Variants in SPATA6L observed in about 807,000 individuals in gnomAD.
SPATA6L encodes spermatogenesis associated 6-like protein.
SPATA6L carries 68 observed loss-of-function variants against 49.2 expected under a neutral mutation model. That is an observed-to-expected ratio of 1.38 (90% CI 1.14 to 1.69). The LOEUF (loss-of-function observed/expected upper bound fraction) is 1.69. SPATA6L is among the 40% of genes most tolerant of loss of function. The probability of loss-of-function intolerance (pLI) is 0.00; values close to 1 mark genes in which losing one functional copy is unlikely to be tolerated. For synonymous variants in SPATA6L, 198 were observed against 165.7 expected (o/e 1.19, Z -1.50); for missense variants, 668 against 464.3 (o/e 1.44, Z -4.03).
chr9:4,661,203 G>A (rs563599949), intron 2 of SPATA6L, among the ~76,000 whole-genome samples: 4 of 152,294 alleles, frequency 2.6e-5, no homozygotes, highest in East Asian at 1.9e-4. Flanking sequence ...CTCCCTCAAT[G>A]ACATTGTTTG....
chr9:4,593,392 C>A (rs536615903), downstream of SPATA6L, among the ~76,000 whole-genome samples: 21 of 152,148 alleles, frequency 1.4e-4, no homozygotes, highest in Admixed American at 7.9e-4. Flanking sequence ...TATACAATAT[C>A]ATTGTATCCC....
intron 2 of SPATA6L, among the ~76,000 whole-genome samples, chr9:4,659,177 T>G (rs762374634): frequency 6.6e-6 from 1 of 152,174 alleles, no homozygotes; most frequent in Non-Finnish European, 1.5e-5. Context: ...ATTCTTCATT[T>G]AAATTAATAG....
chr9:4,658,907 G>C (rs2130779902), intron 2 of SPATA6L, among the ~76,000 whole-genome samples: 1 of 142,006 alleles, frequency 7.0e-6, no homozygotes, highest in Non-Finnish European at 1.5e-5. Context: ...CCAAGGTCTT[G>C]CCACTGCACT....
chr9:4,650,176 A>G (rs924115389), intron 3 of SPATA6L, among the ~76,000 whole-genome samples: 2 of 152,102 alleles, frequency 1.3e-5, no homozygotes, highest in African/African-American at 4.8e-5. Flanking sequence ...AAACTCTTCA[A>G]TCTACCTGGT....
Position 4,662,899 on chromosome 9 carries a change from T to A in SPATA6L, c.40-863A>T. ...ATGAACCTGCTCTTCGCCCTGCTGT[T>A]GGACCTGCTGCTGGTGGCCTTGATC... On this transcript the variant is annotated intron_variant, in intron 1 of 11. Transcript: ENST00000682582. The surrounding 1 kb of genome is among the most constrained non-coding windows in gnomAD (Gnocchi z 4.9). 2 of 1,608,536 alleles carry A rather than the reference T, an allele frequency of 1.2e-6. No homozygotes were observed. The highest frequency in any genetic ancestry group is 1.7e-6 in the Non-Finnish European group (2 of 1,179,966).
intron 3 of SPATA6L, among the ~76,000 whole-genome samples, chr9:4,648,364 T>C (rs1430720289): frequency 1.3e-5 from 2 of 152,148 alleles, no homozygotes; most frequent in Non-Finnish European, 2.9e-5. Flanking sequence ...TTTTTAAAAT[T>C]TTTTTATTTC....
chr9:4,594,436 T>A (rs1426851004), downstream of SPATA6L, among the ~76,000 whole-genome samples: 1 of 152,160 alleles, frequency 6.6e-6, no homozygotes, highest in African/African-American at 2.4e-5. Context: ...ATGGTCTTGA[T>A]CTCCTGAACT....
rs1321452449 is a variant in SPATA6L at position 4,600,471 on chromosome 9, GAC to G, written c.*338_*339del. 3.4e-5 allele frequency: 4 copies of G among 118,452 alleles called. No homozygotes were observed. The highest frequency in any genetic ancestry group is 5.6e-4 in the South Asian group (2 of 3,562). The allele number at this position is 118,452 out of a possible 1,614,324, so 7.3% of individuals were successfully genotyped here. A position where few individuals can be genotyped will look rare whatever the true frequency, so the allele number is the denominator to read the frequency against. ...ATATATAATTAATTTGAGAGAGAGA[GAC>G]AGAGAGAGCCAGAGAGAGCCAGAGA... On this transcript the variant is annotated 3_prime_UTR_variant, in exon 12 of 12. Transcript: ENST00000682582.
Position 4,605,377 on chromosome 9 carries a change from T to C in SPATA6L, c.1059A>G (p.Thr353=), listed in dbSNP as rs757942643. ...TTTGGTGCAGCTGTGCTCTGTGGGA[T>C]GTCAGAAGACTGCATACCCTCTCAT... ...NIHERVCSLL[T]SHRAQLHQNK... The change falls in exon 10 of 12, where the codon ACA becomes ACG. Residue 353 remains threonine, a synonymous_variant. Transcript: ENST00000682582. 13 of 1,614,176 alleles carry C rather than the reference T, an allele frequency of 8.1e-6. No individual in the cohort carries two copies. Among genetic ancestry groups the C allele is most frequent in the Non-Finnish European group, 1.1e-5 (13 of 1,179,982 alleles).
At chr9:4,593,146 C>G (rs1383243896) in intron 13 of SPATA6L, among the ~76,000 whole-genome samples, 1 of 152,178 alleles carries the variant, frequency 6.6e-6, no homozygotes, top group Non-Finnish European at 1.5e-5. Flanking sequence ...GATTCCAAGT[C>G]TTTTCCTAAC....
rs757532734 is a variant in SPATA6L at position 4,598,762 on chromosome 9, T to C, written c.*2049A>G. ...CCTGAGACTTATAGCGTAACCTTAA[T>C]GTAACACAATATTTTCTTACTTTTG... On this transcript the variant is annotated 3_prime_UTR_variant, in exon 12 of 12. Coordinates refer to ENST00000682582, the MANE Select transcript of SPATA6L (RefSeq NM_001353486.2). 1.3e-5 allele frequency among the ~76,000 whole-genome samples: 2 copies of C among 152,260 alleles called. No homozygotes were observed. Among genetic ancestry groups the C allele is most frequent in the East Asian group, 1.9e-4 (1 of 5,204 alleles).
chr9:4,629,260 G>C (rs1830971322), intron 4 of SPATA6L, 92 bp from the exon 5 acceptor site: 1 of 790,878 alleles, frequency 1.3e-6, no homozygotes, highest in African/African-American at 1.8e-5. Context: ...GAACCTAACT[G>C]CTCTTCTGTG....
intron 11 of SPATA6L, among the ~76,000 whole-genome samples, chr9:4,602,137 A>G (rs984093633): frequency 2.1e-5 from 3 of 143,174 alleles, no homozygotes; most frequent in Non-Finnish European, 4.5e-5. Context: ...GAAAGAATTG[A>G]CGTTTTTTTT....
At position 4,623,959 on chromosome 9, in the gene SPATA6L, G is replaced by A. The variant is rs112724576; in HGVS notation, c.669+1368C>T. 4.5e-3 allele frequency among the ~76,000 whole-genome samples: 679 copies of A among 152,162 alleles called. 8 individuals are homozygous for A. The highest frequency in any genetic ancestry group is 0.016 in the African/African-American group (653 of 41,502). ...AAGCAACAGCTGTTGTGTATTTTTT[G>A]TAGATAGCTGTTCTGAAGTTTCTAG... is the stretch of plus-strand genomic sequence containing the variant. On this transcript the variant is annotated intron_variant, in intron 6 of 11. Transcript: ENST00000682582.
chr9:4,613,476 A>G (rs542016882), intron 9 of SPATA6L, among the ~76,000 whole-genome samples: 7 of 152,192 alleles, frequency 4.6e-5, no homozygotes, highest in African/African-American at 1.4e-4. Flanking sequence ...GTATGAATGG[A>G]TCTACACAAA....
intron 3 of SPATA6L, among the ~76,000 whole-genome samples, chr9:4,649,008 A>T (rs1259887684): frequency 6.6e-6 from 1 of 152,002 alleles, no homozygotes; most frequent in African/African-American, 2.4e-5. Context: ...CCATTAATTC[A>T]TTCCTTTTAA....
chr9:4,606,052 A>G (rs1468248201), intron 9 of SPATA6L, among the ~76,000 whole-genome samples: 4 of 152,002 alleles, frequency 2.6e-5, no homozygotes, highest in Non-Finnish European at 5.9e-5. Flanking sequence ...GGGGTGACAG[A>G]TGGCACCTGG....
intron 7 of SPATA6L, among the ~76,000 whole-genome samples, chr9:4,621,491 CTT>C (rs111875141): frequency 7.5e-5 from 11 of 145,742 alleles, no homozygotes; most frequent in Admixed American, 2.1e-4. Context: ...GTGTGCTATT[CTT>C]TTTTTTTTTT....
At chr9:4,651,962 T>C (rs72694085) in intron 3 of SPATA6L, among the ~76,000 whole-genome samples, 2 of 149,564 alleles carry the variant, frequency 1.3e-5, no homozygotes, top group African/African-American at 2.4e-5. Context: ...AAATTAGACA[T>C]GAAAATGAAA....
Sources: allele counts gnomAD v4.1 joint callset (sites outside exome capture counted in the v4.1 genomes callset), GRCh38; gene constraint gnomAD v4.1.1; non-coding constraint Gnocchi (gnomAD v3.1); transcripts MANE v1.5; gene names NCBI Gene and HGNC (gene_info 2026-07-23, HGNC 2026-07-21).